The following PIEZO2 variants were observed in gnomAD, a reference collection of about 807,000 sequenced individuals.
The protein encoded by PIEZO2 is piezo type mechanosensitive ion channel component 2.
In PIEZO2, 172 loss-of-function variants were observed where a neutral mutation model predicts 337.3. That is an observed-to-expected ratio of 0.51 (90% CI 0.45 to 0.58). The LOEUF is 0.58. Among genes scored for constraint, PIEZO2 ranks in the 20% least tolerant of loss-of-function variants. The pLI, the probability that PIEZO2 is intolerant of heterozygous loss-of-function variation, is 0.00. For missense variants in PIEZO2, 3,028 were observed against 3,391.3 expected (o/e 0.89, Z 2.66); for synonymous variants, 1,251 against 1,228.5 (o/e 1.02, Z -0.38).
intron 4 of PIEZO2, among the ~76,000 whole-genome samples, chr18:10,909,845 C>T (rs992307106): frequency 1.3e-5 from 2 of 152,142 alleles, no homozygotes; most frequent in African/African-American, 4.8e-5. Context: ...GGGATCTGAC[C>T]ACCCCAAATC....
At chr18:11,013,899 C>T (rs376788995) in intron 2 of PIEZO2, among the ~76,000 whole-genome samples, 2 of 152,214 alleles carry the variant, frequency 1.3e-5, no homozygotes, top group South Asian at 2.1e-4. Context: ...AAGTAGAGGT[C>T]GTTCAAATAC....
chr18:11,066,316 C>A, intron 1 of PIEZO2, 94 bp from the exon 2 acceptor site: 1 of 882,104 alleles, frequency 1.1e-6, no homozygotes, highest in Non-Finnish European at 1.8e-6. Flanking sequence ...TCTCAGATGT[C>A]ACTGGATCAA....
intron 3 of PIEZO2, among the ~76,000 whole-genome samples, chr18:10,947,967 A>T (rs2033109903): frequency 6.6e-6 from 1 of 152,124 alleles, no homozygotes; most frequent in African/African-American, 2.4e-5. Flanking sequence ...CAATTAAAAT[A>T]AAAATGAAAT....
rs1212735544 is a variant in PIEZO2 at position 11,097,624 on chromosome 18, C to T, written c.65-31402G>A. ...AAAACAAGTTGTCTTCACCTGGATG[C>T]TCCCCTTCACATATTAGTTTCATTT... On this transcript the variant is annotated intron_variant, in intron 1 of 55. Coordinates refer to ENST00000674853, the MANE Select transcript of PIEZO2 (RefSeq NM_001378183.1). The surrounding 1 kb of genome is among the most constrained non-coding windows in gnomAD (Gnocchi z 5.0). Among the ~76,000 whole-genome samples the T allele has an allele frequency of 6.6e-6, 1 of 152,242 alleles. No homozygotes were observed. The highest frequency in any genetic ancestry group is 1.5e-5 in the Non-Finnish European group (1 of 68,040).
chr18:11,073,871 G>C (rs1034641076), intron 1 of PIEZO2, among the ~76,000 whole-genome samples: 1 of 137,126 alleles, frequency 7.3e-6, no homozygotes, highest in Admixed American at 8.3e-5. Flanking sequence ...TTTTGAGACA[G>C]AGTCTGGCTC....
chr18:10,859,609 C>T lies in PIEZO2; in HGVS notation c.493-2398G>A, dbSNP rs1181163926. ...CAGGCAAGGGCGCCTTGCTGTCTCACCTTAAAGAAACACATCCTTTCAACC... is the reference window on the plus strand; with the variant it reads ...CAGGCAAGGGCGCCTTGCTGTCTCATCTTAAAGAAACACATCCTTTCAACC... On this transcript the variant is annotated intron_variant, in intron 5 of 55. Transcript: ENST00000674853. This position sits in a 1 kb window ranked among gnomAD's most constrained non-coding sequence, Gnocchi z 4.9. Among the ~76,000 whole-genome samples, 1 of 152,236 alleles carries T rather than the reference C, an allele frequency of 6.6e-6. No homozygotes were observed. Among genetic ancestry groups the T allele is most frequent in the East Asian group, 1.9e-4 (1 of 5,192 alleles).
In PIEZO2 at chr18:10,713,594, C is replaced by T. The variant is rs570346303; in HGVS notation, c.5423+1170G>A. On this transcript the variant is annotated intron_variant, in intron 39 of 55. Coordinates refer to ENST00000674853, the MANE Select transcript of PIEZO2 (RefSeq NM_001378183.1). This position sits in a 1 kb window ranked among gnomAD's most constrained non-coding sequence, Gnocchi z 4.5. ...GAGACACCAGTCTCTACTGTCCTCC[C>T]CAGGGCAAGCATTTTAGGAGGGAAT... is the stretch of plus-strand genomic sequence containing the variant. 6.6e-6 allele frequency among the ~76,000 whole-genome samples: 1 copy of T among 152,180 alleles called. No individual in the cohort carries two copies. The highest frequency in any genetic ancestry group is 1.5e-5 in the Non-Finnish European group (1 of 68,048).
Position 10,766,492 on chromosome 18 carries a change from C to T in PIEZO2, c.2947-3394G>A, listed in dbSNP as rs2038363103. ...TGAGAAACAGTTTTATGCAATAGTGCTTTCCCAAAAAAGCCCTGTACACAG... is the reference window on the plus strand; with the variant it reads ...TGAGAAACAGTTTTATGCAATAGTGTTTTCCCAAAAAAGCCCTGTACACAG... On this transcript the variant is annotated intron_variant, in intron 21 of 55. Transcript: ENST00000674853. This position sits in a 1 kb window ranked among gnomAD's most constrained non-coding sequence, Gnocchi z 6.1. Among the ~76,000 whole-genome samples the T allele has an allele frequency of 6.6e-6, 1 of 152,190 alleles. No individual in the cohort carries two copies. The highest frequency in any genetic ancestry group is 1.5e-5 in the Non-Finnish European group (1 of 68,026).
chr18:11,131,517 C>G lies in PIEZO2; in HGVS notation c.64+17008G>C, dbSNP rs753229148. On this transcript the variant is annotated intron_variant, in intron 1 of 55. Transcript: ENST00000674853. This position sits in a 1 kb window ranked among gnomAD's most constrained non-coding sequence, Gnocchi z 5.3. Reference sequence around the variant, plus strand: ...CATGGACAGCTGCAGCACTACAGCCCCTTTCTAGGAAATCCTTGAAGGACA... The same window carrying G: ...CATGGACAGCTGCAGCACTACAGCCGCTTTCTAGGAAATCCTTGAAGGACA... Among the ~76,000 whole-genome samples the G allele has an allele frequency of 5.3e-5, 8 of 152,174 alleles. No individual in the cohort carries two copies. Among genetic ancestry groups the G allele is most frequent in the Non-Finnish European group, 1.0e-4 (7 of 68,030 alleles).
intron 7 of PIEZO2, among the ~76,000 whole-genome samples, chr18:10,809,945 A>G (rs771774573): frequency 5.9e-5 from 9 of 152,182 alleles, no homozygotes; most frequent in Non-Finnish European, 1.0e-4. Context: ...GAAGTATACA[A>G]TGACACAATT....
chr18:10,971,987 T>C (rs264242), intron 3 of PIEZO2, among the ~76,000 whole-genome samples: 75,350 of 151,768 alleles, frequency 0.5, 18,871 homozygotes, highest in Middle Eastern at 0.54. Context: ...TTAAGAGATA[T>C]GGTAAGAATT....
In PIEZO2 at chr18:10,681,650, G is replaced by T; in HGVS notation, c.7779+11C>A. 6 of 1,559,158 alleles carry T rather than the reference G, an allele frequency of 3.8e-6. No homozygotes were observed. Among genetic ancestry groups the T allele is most frequent in the Non-Finnish European group, 5.3e-6 (6 of 1,130,466 alleles). Reference sequence around the variant, plus strand: ...GGTCTTCACAGAAATCTACTATAGGGATTTACTTACGGTGTCCCTAGAAAA... The same window carrying T: ...GGTCTTCACAGAAATCTACTATAGGTATTTACTTACGGTGTCCCTAGAAAA... On this transcript the variant is annotated intron_variant, in intron 51 of 55. Coordinates refer to ENST00000674853, the MANE Select transcript of PIEZO2 (RefSeq NM_001378183.1).
chr18:10,997,595 T>A (rs1022699555), intron 2 of PIEZO2, among the ~76,000 whole-genome samples: 5 of 152,092 alleles, frequency 3.3e-5, no homozygotes, highest in African/African-American at 1.2e-4. Context: ...AATAAAAATA[T>A]TAACAACAGA....
intron 40 of PIEZO2, among the ~76,000 whole-genome samples, chr18:10,706,288 A>C (rs2035583229): frequency 6.6e-6 from 1 of 152,140 alleles, no homozygotes. Flanking sequence ...CTTGATAAAA[A>C]ATGCCACCCT....
chr18:11,142,469 G>A (rs2040680292), intron 1 of PIEZO2, among the ~76,000 whole-genome samples: 1 of 152,162 alleles, frequency 6.6e-6, no homozygotes, highest in African/African-American at 2.4e-5. Context: ...AACCTCGACT[G>A]ACAGCCAAAC....
At chr18:10,744,790 T>A (rs1022580060) in intron 30 of PIEZO2, among the ~76,000 whole-genome samples, 1 of 152,202 alleles carries the variant, frequency 6.6e-6, no homozygotes, top group African/African-American at 2.4e-5. Flanking sequence ...TCAACCTCAG[T>A]GTCTCCATAA....
intron 1 of PIEZO2, among the ~76,000 whole-genome samples, chr18:11,136,582 A>T (rs1483377690): frequency 6.6e-6 from 1 of 152,268 alleles, no homozygotes; most frequent in Non-Finnish European, 1.5e-5. Flanking sequence ...GGATTAACTA[A>T]GCATGAGCAA....
chr18:10,958,202 A>C (rs2033622483), intron 3 of PIEZO2, among the ~76,000 whole-genome samples: 1 of 152,212 alleles, frequency 6.6e-6, no homozygotes, highest in Non-Finnish European at 1.5e-5. Context: ...ACAGTCTTTA[A>C]AAAGAGAATA....
At chr18:11,091,787 A>G (rs1175221866) in intron 1 of PIEZO2, among the ~76,000 whole-genome samples, 1 of 152,202 alleles carries the variant, frequency 6.6e-6, no homozygotes, top group Non-Finnish European at 1.5e-5. Flanking sequence ...AGGTTTGTTC[A>G]TTGCCAACTC....
Sources: allele counts gnomAD v4.1 joint callset (sites outside exome capture counted in the v4.1 genomes callset), GRCh38; gene constraint gnomAD v4.1.1; non-coding constraint Gnocchi (gnomAD v3.1); transcripts MANE v1.5; gene names NCBI Gene and HGNC (gene_info 2026-07-23, HGNC 2026-07-21).